The following PARP11 variants were observed in gnomAD, a reference collection of about 807,000 sequenced individuals.
PARP11 encodes the protein poly(ADP-ribose) polymerase family member 11.
PARP11 carries 31 observed loss-of-function variants against 42.9 expected under a neutral mutation model. The ratio of observed to expected loss-of-function variants is 0.72; its 90% CI spans 0.54 to 0.98. PARP11 has a LOEUF of 0.98. Ranked by LOEUF, PARP11 falls within the 50% of genes least tolerant of loss-of-function variation. The pLI, the probability that PARP11 is intolerant of heterozygous loss-of-function variation, is 0.00. For missense variants in PARP11, 365 were observed against 413.1 expected (o/e 0.88, Z 1.01); for synonymous variants, 137 against 127.3 (o/e 1.08, Z -0.51).
At position 3,822,023 on chromosome 12, in the gene PARP11, T is replaced by C. The variant is rs780129278; in HGVS notation, c.418-20A>G. ...AATAAGCTGGAAAAATAAATTTGCA[T>C]AGATTTACTGCAGTCATTTCCGGTT... On this transcript the variant is annotated intron_variant, in intron 5 of 7. Coordinates refer to ENST00000228820, the MANE Select transcript of PARP11 (RefSeq NM_020367.6). 18 of 1,606,466 alleles carry C rather than the reference T, an allele frequency of 1.1e-5. No individual in the cohort carries two copies. In the East Asian group the frequency reaches 2.0e-4, roughly 18 times the overall value.
Position 3,839,460 on chromosome 12 carries a change from G to A in PARP11, c.19-9442C>T, listed in dbSNP as rs1947843223. 4.3e-6 allele frequency: 7 copies of A among 1,611,726 alleles called. 1 individual carries two copies. The South Asian group carries it at 4.4e-5, about 10-fold the overall frequency. On this transcript the variant is annotated intron_variant, in intron 1 of 7. Coordinates refer to ENST00000228820, the MANE Select transcript of PARP11 (RefSeq NM_020367.6). Reference sequence around the variant, plus strand: ...GCCTGTTCCGGGCCGTGGCGGAGCAGGTATTGCACTCTCAGTCTCGCCATG... The same window carrying A: ...GCCTGTTCCGGGCCGTGGCGGAGCAAGTATTGCACTCTCAGTCTCGCCATG...
chr12:3,872,285 T>G (rs924165069), intron 1 of PARP11, among the ~76,000 whole-genome samples: 2 of 152,160 alleles, frequency 1.3e-5, no homozygotes, highest in Admixed American at 1.3e-4. Flanking sequence ...CGCATAAAAA[T>G]AGAGATCTCC....
intron 1 of PARP11, among the ~76,000 whole-genome samples, chr12:3,855,261 T>C (rs928444227): frequency 2.0e-5 from 3 of 152,108 alleles, no homozygotes; most frequent in Admixed American, 1.3e-4. Context: ...CTATTCAACA[T>C]AGTGTTGAAA....
chr12:3,865,289 G>A (rs74056011), intron 1 of PARP11, among the ~76,000 whole-genome samples: 11,889 of 152,016 alleles, frequency 0.078, 1,026 homozygotes, highest in African/African-American at 0.21. Flanking sequence ...ATTTTTACAC[G>A]TTCTCTATGT....
chr12:3,833,258 C>G (rs568784082), intron 1 of PARP11, among the ~76,000 whole-genome samples: 1 of 152,190 alleles, frequency 6.6e-6, no homozygotes, highest in South Asian at 2.1e-4. Context: ...ACGAGAACTT[C>G]CAGAATGACA....
At chr12:3,862,857 G>A (rs1282763562) in intron 1 of PARP11, among the ~76,000 whole-genome samples, 1 of 152,030 alleles carries the variant, frequency 6.6e-6, no homozygotes, top group Non-Finnish European at 1.5e-5. Context: ...AAATCAGGTA[G>A]CATTTGCTCT....
chr12:3,871,419 T>A (rs112912961), intron 1 of PARP11, among the ~76,000 whole-genome samples: 92 of 152,350 alleles, frequency 6.0e-4, no homozygotes, highest in South Asian at 2.3e-3. Context: ...TTCCATTGTG[T>A]TACGAATGCC....
rs780885271 is a variant in PARP11 at position 3,829,015 on chromosome 12, G to T, written c.163C>A (p.Gln55Lys). Residue 55 changes from glutamine (Q) to lysine (K), a missense_variant, in exon 3 of 8, where the codon CAG becomes AAG. By Grantham distance (53) the Gln-to-Lys change is moderately conservative. Transcript: ENST00000228820. ...ATATCTTCACTGCTAACTGAACACT[G>T]ACTGTTGGTATCCGGCTTTAAGACA... ...WHMFQPDTNS[Q>K]CSVSSEDIEK... 6.2e-7 allele frequency: 1 copy of T among 1,613,980 alleles called. No homozygotes were observed. The highest frequency in any genetic ancestry group is 1.1e-5 in the South Asian group (1 of 91,058).
intron 1 of PARP11, among the ~76,000 whole-genome samples, chr12:3,853,190 G>A (rs567676001): frequency 1.3e-5 from 2 of 152,274 alleles, no homozygotes; most frequent in East Asian, 3.9e-4. Flanking sequence ...ATGCCAAACT[G>A]TAAAGACCAT....
chr12:3,866,293 T>C (rs1428978161), intron 1 of PARP11, among the ~76,000 whole-genome samples: 1 of 152,136 alleles, frequency 6.6e-6, no homozygotes, highest in Non-Finnish European at 1.5e-5. Context: ...CTTATTTTTT[T>C]GTCCATAAAT....
In PARP11 at chr12:3,861,787, G is replaced by A. The variant is rs957259011; in HGVS notation, c.18+11425C>T. On this transcript the variant is annotated intron_variant, in intron 1 of 7. Transcript: ENST00000228820. The surrounding 1 kb of genome is among the most constrained non-coding windows in gnomAD (Gnocchi z 4.6). ...CGCCTGTAATCCCAGTACTTTGGGA[G>A]GCCGAGGCGGGCGGATCACGAGGTC... Among the ~76,000 whole-genome samples, 2 of 152,078 alleles carry A rather than the reference G, an allele frequency of 1.3e-5. No homozygotes were observed. The highest frequency in any genetic ancestry group is 2.9e-5 in the Non-Finnish European group (2 of 68,022).
chr12:3,851,172 C>A (rs1449877729), intron 1 of PARP11, among the ~76,000 whole-genome samples: 1 of 152,192 alleles, frequency 6.6e-6, no homozygotes, highest in Non-Finnish European at 1.5e-5. Context: ...CAGCTCTGGT[C>A]CACAGCTCCC....
chr12:3,831,231 T>G (rs144176377), intron 1 of PARP11, among the ~76,000 whole-genome samples: 92 of 152,218 alleles, frequency 6.0e-4, no homozygotes, highest in Non-Finnish European at 1.0e-3. Flanking sequence ...ATAATTTCAC[T>G]GCATATCTTT....
intron 1 of PARP11, chr12:3,842,483 G>A: frequency 6.2e-7 from 1 of 1,605,922 alleles, no homozygotes; most frequent in Non-Finnish European, 8.5e-7. Flanking sequence ...AGGAGATCAG[G>A]GATGGGAGAT....
chr12:3,870,232 G>A (rs1197222353), intron 1 of PARP11, among the ~76,000 whole-genome samples: 1 of 152,088 alleles, frequency 6.6e-6, no homozygotes, highest in Non-Finnish European at 1.5e-5. Context: ...ACCAAATTGC[G>A]CTTACTGATA....
At chr12:3,833,816 T>A (rs1217308876) in intron 1 of PARP11, among the ~76,000 whole-genome samples, 2 of 152,178 alleles carry the variant, frequency 1.3e-5, no homozygotes, top group Non-Finnish European at 2.9e-5. Flanking sequence ...ATGAAGCCTC[T>A]ACCTGCGGTA....
chr12:3,833,889 T>G (rs1178618071), intron 1 of PARP11, among the ~76,000 whole-genome samples: 1 of 152,142 alleles, frequency 6.6e-6, no homozygotes, highest in Non-Finnish European at 1.5e-5. Context: ...GTGGCTAGTT[T>G]TACCCCGGGA....
chr12:3,872,106 C>T (rs1287854485), intron 1 of PARP11: 1 of 152,178 alleles, frequency 6.6e-6, no homozygotes, highest in East Asian at 1.9e-4. Context: ...GACCCTCATT[C>T]CAGAAGGGAC....
rs1364202484 is a variant in PARP11, at chr12:3,810,814, AAGAAG to A, written c.*1304_*1308del. The A allele has an allele frequency of 6.6e-6, 1 of 151,842 alleles. No homozygotes were observed. The highest frequency in any genetic ancestry group is 1.5e-5 in the Non-Finnish European group (1 of 68,066). 9.4% of individuals were successfully genotyped at this position (151,842 alleles called of 1,614,324 possible). A position where few individuals can be genotyped will look rare whatever the true frequency, so the allele number is the denominator to read the frequency against. On this transcript the variant is annotated 3_prime_UTR_variant, in exon 8 of 8. Coordinates refer to ENST00000228820, the MANE Select transcript of PARP11 (RefSeq NM_020367.6). ...GAAGAGGAAGACAGAAGAGAAGAGA[AAGAAG>A]AGAAGAGAAAGAGGAGAGAAGAGAA...
Sources: allele counts gnomAD v4.1 joint callset (sites outside exome capture counted in the v4.1 genomes callset), GRCh38; gene constraint gnomAD v4.1.1; non-coding constraint Gnocchi (gnomAD v3.1); transcripts MANE v1.5; gene names NCBI Gene and HGNC (gene_info 2026-07-23, HGNC 2026-07-21).